Variants in CAMK1D observed in about 807,000 individuals in gnomAD.
CAMK1D encodes calcium/calmodulin dependent protein kinase ID, also known as calcium/calmodulin-dependent protein kinase type 1D.
CAMK1D carries 9 observed loss-of-function variants against 47.7 expected under a neutral mutation model. The ratio of observed to expected loss-of-function variants is 0.19; its 90% CI spans 0.11 to 0.33. CAMK1D has a LOEUF of 0.33. Among genes scored for constraint, CAMK1D ranks in the 10% least tolerant of loss-of-function variants. The pLI is 1.00. For missense variants in CAMK1D, 291 were observed against 488.7 expected, an observed-to-expected ratio of 0.60 and a Z score of 3.81; for synonymous variants, 184 against 184.9, an observed-to-expected ratio of 0.99 and a Z score of 0.04.
intron 1 of CAMK1D, among the ~76,000 whole-genome samples, chr10:12,422,562 A>G (rs890254144): frequency 6.6e-6 from 1 of 152,154 alleles, no homozygotes; most frequent in Non-Finnish European, 1.5e-5. Flanking sequence ...AGAGGCCTAG[A>G]GCTCTCCCCT....
In CAMK1D at chr10:12,672,235, G is replaced by T. The variant is rs539226002; in HGVS notation, c.299+5425G>T. Among the ~76,000 whole-genome samples, 40 of 151,742 alleles carry T rather than the reference G, an allele frequency of 2.6e-4. No individual in the cohort carries two copies. In the South Asian group the frequency reaches 8.1e-3, roughly 31 times the overall value. On this transcript the variant is annotated intron_variant, in intron 3 of 10. Coordinates refer to ENST00000619168, the MANE Select transcript of CAMK1D (RefSeq NM_153498.4). Reference sequence around the variant, plus strand: ...GGGCCACTGTCACCTAATTCTTAATGGTACCTTTTGAATAAGGAAAGTTTT... The same window carrying T: ...GGGCCACTGTCACCTAATTCTTAATTGTACCTTTTGAATAAGGAAAGTTTT...
intron 2 of CAMK1D, among the ~76,000 whole-genome samples, chr10:12,560,915 TC>T (rs1255262780): frequency 1.5e-5 from 2 of 135,702 alleles, no homozygotes; most frequent in Non-Finnish European, 3.3e-5. Flanking sequence ...TTTCTTTCTT[TC>T]TTTCTTTTTT....
In CAMK1D at chr10:12,595,942, G is replaced by T. The variant is rs1365248250; in HGVS notation, c.224+42586G>T. Among the ~76,000 whole-genome samples, 7 of 152,068 alleles carry T rather than the reference G, an allele frequency of 4.6e-5. No individual in the cohort carries two copies. The East Asian group carries it at 9.7e-4, about 21-fold the overall frequency. On this transcript the variant is annotated intron_variant, in intron 2 of 10. Coordinates refer to ENST00000619168, the MANE Select transcript of CAMK1D (RefSeq NM_153498.4). ...GCTTCTGCCTTCCCTCCTTTCCAGGGCTAAGTCTCTGCTTGGGGGAGAGTC... is the reference window on the plus strand; with the variant it reads ...GCTTCTGCCTTCCCTCCTTTCCAGGTCTAAGTCTCTGCTTGGGGGAGAGTC...
In CAMK1D at chr10:12,814,257, A is replaced by T; in HGVS notation, c.704A>T (p.Lys235Met). Residue 235 changes from lysine to methionine, a missense_variant, in exon 7 of 11, where the codon AAG (lysine) becomes ATG (methionine). Around this residue, in one of 2 missense-constraint regions of CAMK1D, gnomAD observed 219 missense variants for 424.3 expected, o/e 0.52. Transcript: ENST00000619168. ...NDSKLFEQIL[K>M]AEYEFDSPYW... is the part of the protein sequence containing the mutation. ...TCCAAGCTCTTTGAGCAGATCCTCA[A>T]GGCGGAATATGAGTTTGACTCTCCC... is the stretch of plus-strand genomic sequence containing the variant. 2 of 1,614,016 alleles carry T rather than the reference A, an allele frequency of 1.2e-6. No individual in the cohort carries two copies. Among genetic ancestry groups the T allele is most frequent in the Non-Finnish European group, 8.5e-7 (1 of 1,179,908 alleles).
chr10:12,526,065 C>G (rs1179730285), intron 1 of CAMK1D, among the ~76,000 whole-genome samples: 3 of 152,188 alleles, frequency 2.0e-5, no homozygotes, highest in Non-Finnish European at 2.9e-5. Flanking sequence ...GCCCTATGTC[C>G]TATGTATTTT....
chr10:12,714,667 CGA>C (rs1564512700), intron 3 of CAMK1D, among the ~76,000 whole-genome samples: 2 of 151,652 alleles, frequency 1.3e-5, no homozygotes, highest in Non-Finnish European at 2.9e-5. Context: ...TCCAGTGAGC[CGA>C]GATCACGCCA....
intron 1 of CAMK1D, among the ~76,000 whole-genome samples, chr10:12,533,217 C>T (rs1222120220): frequency 6.6e-6 from 1 of 152,172 alleles, no homozygotes; most frequent in Non-Finnish European, 1.5e-5. Flanking sequence ...TGTGTACCCA[C>T]AAAAATTAAA....
At chr10:12,600,598 C>G (rs1013431826) in intron 2 of CAMK1D, among the ~76,000 whole-genome samples, 3 of 152,166 alleles carry the variant, frequency 2.0e-5, no homozygotes, top group Non-Finnish European at 4.4e-5. Context: ...TTGACTTAAC[C>G]CTGCAAGATG....
At chr10:12,363,304 G>A (rs1837735205) in intron 1 of CAMK1D, among the ~76,000 whole-genome samples, 1 of 151,958 alleles carries the variant, frequency 6.6e-6, no homozygotes, top group Non-Finnish European at 1.5e-5. Context: ...GCCCTGGCTG[G>A]AGTGCAGTGG....
intron 1 of CAMK1D, among the ~76,000 whole-genome samples, chr10:12,364,269 T>G (rs1588407730): frequency 2.5e-5 from 3 of 121,798 alleles, no homozygotes; most frequent in Admixed American, 1.0e-4. Flanking sequence ...TGAGATGGAG[T>G]CTCCCTCTGT....
chr10:12,589,915 A>G (rs541115249), intron 2 of CAMK1D, among the ~76,000 whole-genome samples: 1 of 152,286 alleles, frequency 6.6e-6, no homozygotes, highest in Non-Finnish European at 1.5e-5. Flanking sequence ...CCTTTGCAGT[A>G]GAGACCTGCT....
chr10:12,428,071 A>G (rs1349454544), intron 1 of CAMK1D, among the ~76,000 whole-genome samples: 2 of 152,104 alleles, frequency 1.3e-5, no homozygotes, highest in Non-Finnish European at 2.9e-5. Flanking sequence ...CAGAATGTGC[A>G]GGTTTGTTAC....
chr10:12,721,362 G>A (rs550616014), intron 3 of CAMK1D, among the ~76,000 whole-genome samples: 39 of 152,316 alleles, frequency 2.6e-4, no homozygotes, highest in African/African-American at 9.1e-4. Flanking sequence ...ACTCCATACA[G>A]GGAAGAATAG....
At chr10:12,555,797 G>C (rs10906168) in intron 2 of CAMK1D, among the ~76,000 whole-genome samples, 52,766 of 151,866 alleles carry the variant, frequency 0.35, 9,511 homozygotes, top group Non-Finnish European at 0.4. Context: ...GATTCCCTTA[G>C]GGCTGAGAAG....
At chr10:12,642,048 T>TAA (rs34344996) in intron 2 of CAMK1D, among the ~76,000 whole-genome samples, 3,117 of 133,162 alleles carry the variant, frequency 0.023, 76 homozygotes, top group African/African-American at 0.072. Flanking sequence ...TTTCTCAGAA[T>TAA]AAAAAAAAAA....
rs79156241 is a variant in CAMK1D, at chr10:12,744,063, A to G, written c.300-16885A>G. ...AATTTGCCTTTTCTGGACATTTCAT[A>G]TAAATGAGATCATATAATATGTGGC... is the stretch of plus-strand genomic sequence containing the variant. On this transcript the variant is annotated intron_variant, in intron 3 of 10. Coordinates refer to ENST00000619168, the MANE Select transcript of CAMK1D (RefSeq NM_153498.4). Among the ~76,000 whole-genome samples the G allele has an allele frequency of 8.1e-3, 1,234 of 151,846 alleles. 13 individuals are homozygous for G. Among genetic ancestry groups the G allele is most frequent in the Admixed American group, 0.031 (474 of 15,254 alleles).
chr10:12,553,549 G>T (rs1397583854), intron 2 of CAMK1D, among the ~76,000 whole-genome samples, 193 bp downstream of exon 2: 1 of 152,176 alleles, frequency 6.6e-6, no homozygotes, highest in Non-Finnish European at 1.5e-5. Context: ...CACGGCCATG[G>T]TTGGGAGTAG....
At position 12,357,072 on chromosome 10, in the gene CAMK1D, T is replaced by C. The variant is rs180850660; in HGVS notation, c.92+7162T>C. 1.9e-3 allele frequency among the ~76,000 whole-genome samples: 290 copies of C among 152,244 alleles called. 1 individual carries two copies. Among genetic ancestry groups the C allele is most frequent in the Admixed American group, 0.015 (223 of 15,280 alleles). On this transcript the variant is annotated intron_variant, in intron 1 of 10. Transcript: ENST00000619168. ...ATCTCTCTCCTCCTGCTTCTCCTCC[T>C]CTCTCCTCTGGGAGGGCTTAGGCAT...
chr10:12,568,275 C>T (rs1423704697), intron 2 of CAMK1D, among the ~76,000 whole-genome samples: 67 of 38,228 alleles, frequency 1.8e-3, no homozygotes, highest in African/African-American at 7.8e-3. Context: ...TTCTCCGTCC[C>T]CCCTTCCCGT....
Sources: gnomAD v4.1 joint callset for allele counts (sites outside exome capture counted in the v4.1 genomes callset) on GRCh38, gnomAD v4.1.1 for gene constraint, gnomAD v4.1.1 regional missense constraint, MANE v1.5 for transcripts, NCBI Gene and HGNC (gene_info 2026-07-23, HGNC 2026-07-21) for gene names.